The following SLC24A2 variants were observed in gnomAD, a reference collection of about 807,000 sequenced individuals.
SLC24A2 encodes the protein sodium/potassium/calcium exchanger 2.
SLC24A2 carries 36 observed loss-of-function variants against 62.0 expected under a neutral mutation model. The ratio of observed to expected loss-of-function variants is 0.58; its 90% CI spans 0.44 to 0.77. SLC24A2 has a LOEUF of 0.77. SLC24A2 is among the 30% of genes least tolerant of loss of function. The probability of loss-of-function intolerance (pLI) is 0.00; values close to 1 mark genes in which losing one functional copy is unlikely to be tolerated. For missense variants in SLC24A2, 846 were observed against 817.9 expected (o/e 1.03, Z -0.42); for synonymous variants, 358 against 294.0 (o/e 1.22, Z -2.23).
the SLC24A2 span, among the ~76,000 whole-genome samples, chr9:20,285,149 A>C: frequency 6.6e-6 from 1 of 152,208 alleles, no homozygotes. Flanking sequence ...AAATAGGTAG[A>C]AGCATCCCTG....
At chr9:19,557,236 T>C (rs558856134) in intron 7 of SLC24A2, among the ~76,000 whole-genome samples, 1 of 152,342 alleles carries the variant, frequency 6.6e-6, no homozygotes, top group East Asian at 1.9e-4. Flanking sequence ...TCAGCTTTGT[T>C]TTGTAATAAA....
At chr9:20,064,493 T>C in the SLC24A2 span, among the ~76,000 whole-genome samples, 1 of 152,226 alleles carries the variant, frequency 6.6e-6, no homozygotes, top group Non-Finnish European at 1.5e-5. Context: ...CTGTACATTT[T>C]TTGTTTAAAT....
chr9:20,252,840 T>C, the SLC24A2 span, among the ~76,000 whole-genome samples: 1 of 152,260 alleles, frequency 6.6e-6, no homozygotes, highest in African/African-American at 2.4e-5. Flanking sequence ...GGACCCCTTC[T>C]GGTACCAGAC....
intron 2 of SLC24A2, among the ~76,000 whole-genome samples, chr9:19,664,862 C>T (rs58904496): frequency 0.06 from 9,204 of 152,174 alleles, 276 homozygotes; most frequent in East Asian, 0.09. Context: ...GTCCCTAGAG[C>T]CTTCAGAGTG....
chr9:19,934,156 A>C, the SLC24A2 span, among the ~76,000 whole-genome samples: 5 of 152,208 alleles, frequency 3.3e-5, no homozygotes, highest in African/African-American at 1.2e-4. The surrounding 1 kb of genome is among the most constrained non-coding windows in gnomAD (Gnocchi z 4.1). Flanking sequence ...ACAGATTTTC[A>C]GAGCAAACTA....
chr9:19,848,174 GTTTAT>G, the SLC24A2 span, among the ~76,000 whole-genome samples: 69,693 of 151,620 alleles, frequency 0.46, 18,462 homozygotes, highest in Non-Finnish European at 0.59. Context: ...TAGAAGAGGG[GTTTAT>G]TTTGTTTTTA....
At chr9:19,781,561 C>G (rs76860189) in intron 2 of SLC24A2, among the ~76,000 whole-genome samples, 2,940 of 152,222 alleles carry the variant, frequency 0.019, 91 homozygotes, top group African/African-American at 0.068. Flanking sequence ...CTCTGAATCA[C>G]AAGCAGTAAC....
At chr9:19,907,470 T>C in the SLC24A2 span, among the ~76,000 whole-genome samples, 1 of 152,194 alleles carries the variant, frequency 6.6e-6, no homozygotes, top group Admixed American at 6.5e-5. Context: ...TTGGAAGTTC[T>C]AGCCAGGGCA....
At position 19,667,791 on chromosome 9, in the gene SLC24A2, T is replaced by C. The variant is rs369018155; in HGVS notation, c.931-45492A>G. On this transcript the variant is annotated intron_variant, in intron 2 of 10. Transcript: ENST00000341998. ...ACTTGGTATTCCAGCTGTTCCATGC[T>C]GTCTGCAGCCTATCAACAATACCGT... Among the ~76,000 whole-genome samples the C allele has an allele frequency of 7.9e-5, 12 of 152,340 alleles. No homozygotes were observed. In the East Asian group the frequency reaches 1.4e-3, roughly 17 times the overall value.
At chr9:19,914,132 A>G in the SLC24A2 span, among the ~76,000 whole-genome samples, 1 of 152,054 alleles carries the variant, frequency 6.6e-6, no homozygotes, top group East Asian at 1.9e-4. Flanking sequence ...CTACCTCAAA[A>G]TGCGCTTCCT....
At chr9:19,603,032 GA>G (rs1381407994) in intron 4 of SLC24A2, among the ~76,000 whole-genome samples, 1 of 152,046 alleles carries the variant, frequency 6.6e-6, no homozygotes, top group Non-Finnish European at 1.5e-5. Context: ...TAAAGATAGT[GA>G]AAAAATATGA....
the SLC24A2 span, among the ~76,000 whole-genome samples, chr9:20,185,140 G>A: frequency 6.6e-6 from 1 of 152,198 alleles, no homozygotes; most frequent in East Asian, 1.9e-4. Context: ...ATTGTATTTA[G>A]AGAGGAGGAA....
the SLC24A2 span, among the ~76,000 whole-genome samples, chr9:20,230,525 A>T: frequency 2.6e-5 from 4 of 152,216 alleles, no homozygotes; most frequent in Admixed American, 6.5e-5. Context: ...GGCTGCATAA[A>T]TGTCTTCTTT....
intron 2 of SLC24A2, among the ~76,000 whole-genome samples, chr9:19,782,514 G>A (rs1236409665): frequency 6.6e-6 from 1 of 152,124 alleles, no homozygotes; most frequent in East Asian, 1.9e-4. Context: ...TATATTCACT[G>A]TATGTGAACT....
the SLC24A2 span, among the ~76,000 whole-genome samples, chr9:20,264,358 C>T: frequency 1.3e-5 from 2 of 152,236 alleles, no homozygotes; most frequent in African/African-American, 2.4e-5. Flanking sequence ...TTCATCTCAT[C>T]CACAGTGGGC....
At chr9:20,052,971 T>C in the SLC24A2 span, among the ~76,000 whole-genome samples, 1 of 152,222 alleles carries the variant, frequency 6.6e-6, no homozygotes, top group East Asian at 1.9e-4. Flanking sequence ...CAGAAACATA[T>C]GGATTTCATC....
At chr9:20,218,721 A>C in the SLC24A2 span, among the ~76,000 whole-genome samples, 2 of 152,178 alleles carry the variant, frequency 1.3e-5, no homozygotes, top group Non-Finnish European at 2.9e-5. Flanking sequence ...TTTAATGCCT[A>C]GTTATGTTAG....
intron 7 of SLC24A2, among the ~76,000 whole-genome samples, chr9:19,560,673 C>G (rs1267946679): frequency 1.3e-5 from 2 of 152,202 alleles, no homozygotes; most frequent in Admixed American, 6.5e-5. Flanking sequence ...GTATTTTTTT[C>G]TGGCAGCCCC....
the SLC24A2 span, among the ~76,000 whole-genome samples, chr9:20,102,808 C>T: frequency 1.3e-5 from 2 of 152,126 alleles, no homozygotes; most frequent in Non-Finnish European, 2.9e-5. Flanking sequence ...ATCTCAGGTA[C>T]TGAGTTCATC....
Sources: gnomAD v4.1 joint callset for allele counts (sites outside exome capture counted in the v4.1 genomes callset) on GRCh38, gnomAD v4.1.1 for gene constraint, Gnocchi (gnomAD v3.1) non-coding constraint, MANE v1.5 for transcripts, NCBI Gene and HGNC (gene_info 2026-07-23, HGNC 2026-07-21) for gene names.